Variants in STRN3 observed in about 807,000 individuals in gnomAD.
STRN3 encodes striatin 3, also known as striatin-3.
In STRN3, 29 loss-of-function variants were observed where a neutral mutation model predicts 95.6. The observed-to-expected ratio is 0.30, with a 90% CI of 0.23 to 0.41. The LOEUF (loss-of-function observed/expected upper bound fraction) is 0.41, where lower values mean the gene tolerates loss of function less well. Among genes scored for constraint, STRN3 ranks in the 10% least tolerant of loss-of-function variants. The pLI, the probability that STRN3 is intolerant of heterozygous loss-of-function variation, is 1.00. For missense variants in STRN3, 890 were observed against 972.1 expected (o/e 0.92, Z 1.12); for synonymous variants, 331 against 357.6 (o/e 0.93, Z 0.84).
intron 12 of STRN3, 76 bp downstream of exon 12, chr14:30,911,701 A>G: frequency 3.1e-6 from 4 of 1,303,906 alleles, no homozygotes; most frequent in Non-Finnish European, 4.3e-6. Context: ...TGAGAAAATT[A>G]CAAGGTTTGA....
intron 8 of STRN3, among the ~76,000 whole-genome samples, chr14:30,921,753 A>G (rs555301877): frequency 1.2e-4 from 18 of 152,364 alleles, no homozygotes; most frequent in African/African-American, 4.3e-4. Context: ...TATTAATACC[A>G]ATATGTAAAG....
At chr14:30,966,325 T>A (rs1880505286) in intron 1 of STRN3, among the ~76,000 whole-genome samples, 1 of 152,196 alleles carries the variant, frequency 6.6e-6, no homozygotes, top group Non-Finnish European at 1.5e-5. Context: ...CTTGCCTTGC[T>A]GAGAATTAAA....
intron 8 of STRN3, among the ~76,000 whole-genome samples, chr14:30,926,754 A>C (rs1878200378): frequency 6.6e-6 from 1 of 152,136 alleles, no homozygotes; most frequent in Non-Finnish European, 1.5e-5. Context: ...GAATGGGCTG[A>C]ATAACAGAAT....
rs141820046 is a variant in STRN3 at position 30,898,616 on chromosome 14, C to A, written c.2138-2868G>T. ...TGTATGTTGGGCTTTCACTGGTGAC[C>A]ACATAAATCACAAAGCTTCTGACCC... is the stretch of plus-strand genomic sequence containing the variant. On this transcript the variant is annotated intron_variant, in intron 16 of 17. Transcript: ENST00000357479. Among the ~76,000 whole-genome samples the A allele has an allele frequency of 1.1e-4, 17 of 152,298 alleles. No individual in the cohort carries two copies. In the East Asian group the frequency reaches 3.1e-3, roughly 28 times the overall value.
intron 13 of STRN3, among the ~76,000 whole-genome samples, chr14:30,908,718 T>C (rs1178666928): frequency 6.6e-6 from 1 of 152,212 alleles, no homozygotes; most frequent in African/African-American, 2.4e-5. Context: ...TCACACCTCC[T>C]CAGTTTCCTT....
At chr14:30,975,625 G>T (rs1881063197) in intron 1 of STRN3, among the ~76,000 whole-genome samples, 1 of 151,328 alleles carries the variant, frequency 6.6e-6, no homozygotes, top group East Asian at 1.9e-4. Flanking sequence ...AGAGGAAGTA[G>T]ACTTGAAGCC....
chr14:31,016,695 C>T (rs1420289066), intron 1 of STRN3, among the ~76,000 whole-genome samples: 1 of 152,114 alleles, frequency 6.6e-6, no homozygotes, highest in African/African-American at 2.4e-5. Flanking sequence ...CAGGCACGTG[C>T]CAGCACACCT....
chr14:30,943,872 G>A (rs184048850), intron 5 of STRN3, among the ~76,000 whole-genome samples: 6 of 152,140 alleles, frequency 3.9e-5, no homozygotes, highest in Admixed American at 3.3e-4. Context: ...GCCAGGGGCC[G>A]GAGGGAGGAG....
chr14:30,961,517 G>A (rs1179479829), intron 1 of STRN3, among the ~76,000 whole-genome samples: 6 of 152,310 alleles, frequency 3.9e-5, no homozygotes, highest in African/African-American at 1.2e-4. Context: ...CATTATTCAC[G>A]TTTGTCCTGA....
chr14:30,931,870 T>A (rs1448083635), intron 7 of STRN3: 1 of 152,196 alleles, frequency 6.6e-6, no homozygotes, highest in Non-Finnish European at 1.5e-5. Flanking sequence ...TGATTGCTAA[T>A]AGACAAAATA....
At chr14:30,966,752 G>A (rs1055707466) in intron 1 of STRN3, among the ~76,000 whole-genome samples, 1 of 152,152 alleles carries the variant, frequency 6.6e-6, no homozygotes, top group African/African-American at 2.4e-5. Flanking sequence ...AAGTCCTACT[G>A]CTGGACGGAG....
intron 7 of STRN3, among the ~76,000 whole-genome samples, chr14:30,934,676 C>T (rs768520902): frequency 2.6e-5 from 4 of 152,034 alleles, no homozygotes; most frequent in Non-Finnish European, 5.9e-5. Context: ...CAATATAGAG[C>T]TATAATTCAG....
intron 7 of STRN3, among the ~76,000 whole-genome samples, chr14:30,930,833 G>A (rs1206222059): frequency 6.6e-6 from 1 of 152,026 alleles, no homozygotes. Flanking sequence ...TTAATCATTT[G>A]CACTCATCTT....
rs760674108 is a variant in STRN3 at position 30,902,537 on chromosome 14, C to T, written c.2136G>A (p.Thr712=). The T allele has an allele frequency of 4.7e-5, 74 of 1,576,262 alleles. No homozygotes were observed. Among genetic ancestry groups the T allele is most frequent in the Non-Finnish European group, 5.9e-5 (68 of 1,160,570 alleles). The change falls in exon 16 of 18, where the codon ACG becomes ACA. Residue 712 remains threonine, a splice_region_variant and synonymous_variant. Transcript: ENST00000357479. ...DRHIKFFDNK[T]GKMIHSMVAH... ...ATGAAAAGAAGACAATTTGCTTACC[C>T]GTTTTATTGTCAAAAAATTTGATGT...
intron 1 of STRN3, among the ~76,000 whole-genome samples, chr14:30,991,379 C>T (rs781195342): frequency 1.4e-4 from 21 of 152,200 alleles, no homozygotes; most frequent in Non-Finnish European, 2.2e-4. Flanking sequence ...TAGGGCAATA[C>T]AATCCCTACC....
intron 1 of STRN3, among the ~76,000 whole-genome samples, chr14:31,006,774 T>C (rs1450364651): frequency 6.6e-6 from 1 of 152,022 alleles, no homozygotes; most frequent in Admixed American, 6.6e-5. Context: ...ATCAAACCTT[T>C]TGAAAGAGAC....
chr14:31,011,877 G>A (rs1011079051), intron 1 of STRN3, among the ~76,000 whole-genome samples: 3 of 151,960 alleles, frequency 2.0e-5, no homozygotes, highest in Admixed American at 2.0e-4. Flanking sequence ...GTCAGGAGTC[G>A]GAGACCAGCC....
intron 1 of STRN3, among the ~76,000 whole-genome samples, chr14:30,972,583 C>T (rs966995833): frequency 2.6e-5 from 4 of 151,976 alleles, no homozygotes; most frequent in African/African-American, 7.3e-5. Flanking sequence ...GGAGGATCAC[C>T]TGAGGCCAGG....
At chr14:30,978,686 A>C (rs1037841671) in intron 1 of STRN3, among the ~76,000 whole-genome samples, 1 of 152,150 alleles carries the variant, frequency 6.6e-6, no homozygotes, top group African/African-American at 2.4e-5. Context: ...GGATGACCTG[A>C]CTGCCTATGT....
Sources: gnomAD v4.1 joint callset for allele counts (sites outside exome capture counted in the v4.1 genomes callset) on GRCh38, gnomAD v4.1.1 for gene constraint, MANE v1.5 for transcripts, NCBI Gene and HGNC (gene_info 2026-07-23, HGNC 2026-07-21) for gene names.